Variants in CNTN5 observed in about 807,000 individuals in gnomAD.
CNTN5 encodes the protein contactin-5.
Under a neutral mutation model 129.1 loss-of-function variants are expected in CNTN5, and 77 were observed. The observed-to-expected ratio is 0.60, with a 90% CI of 0.50 to 0.72. CNTN5 has a LOEUF of 0.72. CNTN5 is among the 30% of genes least tolerant of loss of function. CNTN5 has a pLI of 0.00. For missense variants in CNTN5, 1,478 were observed against 1,328.8 expected (o/e 1.11, Z -1.75); for synonymous variants, 509 against 465.6 (o/e 1.09, Z -1.20).
chr11:99,765,942 A>G (rs1050503727), intron 3 of CNTN5, among the ~76,000 whole-genome samples: 1 of 152,030 alleles, frequency 6.6e-6, no homozygotes, highest in East Asian at 1.9e-4. Context: ...AAGCACATTT[A>G]TATCTGTCAA....
chr11:100,354,441 C>T (rs1406684457), intron 24 of CNTN5, among the ~76,000 whole-genome samples: 2 of 151,660 alleles, frequency 1.3e-5, no homozygotes, highest in African/African-American at 2.4e-5. Context: ...AAAAGATCCT[C>T]TCCTGGGTAT....
intron 2 of CNTN5, among the ~76,000 whole-genome samples, chr11:99,533,808 C>T (rs1947802189): frequency 6.6e-6 from 1 of 152,182 alleles, no homozygotes; most frequent in Admixed American, 6.5e-5. Context: ...GGAATATTAG[C>T]TTTTAGCGAA....
At position 99,819,588 on chromosome 11, in the gene CNTN5, T is replaced by C. The variant is rs757664109; in HGVS notation, c.100T>C (p.Leu34=). 6.2e-7 allele frequency: 1 copy of C among 1,612,872 alleles called. No individual in the cohort carries two copies. Among genetic ancestry groups the C allele is most frequent in the Non-Finnish European group, 8.5e-7 (1 of 1,179,792 alleles). ...TGGTCTCTCCACTTCATATGCTGCTTTGTTAAGAATTAAGAAGAGTTCATC... is the reference window on the plus strand; with the variant it reads ...TGGTCTCTCCACTTCATATGCTGCTCTGTTAAGAATTAAGAAGAGTTCATC... ...LPGLSTSYAA[L]LRIKKSSSSS... The change falls in exon 4 of 25, where the codon TTG becomes CTG. Residue 34 remains leucine (L), a synonymous_variant. Transcript: ENST00000524871.
In CNTN5 at chr11:99,769,866, A is replaced by G. The variant is rs1944885645; in HGVS notation, c.56-49678A>G. On this transcript the variant is annotated intron_variant, in intron 3 of 24. Coordinates refer to ENST00000524871, the MANE Select transcript of CNTN5 (RefSeq NM_014361.4). ...AAGATTGTTGACTGTAATCAGCTCA[A>G]GTCTAATATGGTATAGACAAACAGC... Among the ~76,000 whole-genome samples, 5 of 152,128 alleles carry G rather than the reference A, an allele frequency of 3.3e-5. 1 individual carries two copies. In the South Asian group the frequency reaches 1.0e-3, roughly 32 times the overall value.
At chr11:99,083,101 G>C (rs960794625) in intron 1 of CNTN5, among the ~76,000 whole-genome samples, 1 of 151,946 alleles carries the variant, frequency 6.6e-6, no homozygotes, top group African/African-American at 2.4e-5. Flanking sequence ...AAGGGTTGTT[G>C]TTCATCAATT....
In CNTN5 at chr11:99,598,329, CCTCTCTCTCTCTCTCTCTCT is replaced by C. The variant is rs1163753320; in HGVS notation, c.55+42086_55+42105del. On this transcript the variant is annotated intron_variant, in intron 3 of 24. Transcript: ENST00000524871. ...CTTTTCTTTTCTTTTCTTTTCTGTC[CCTCTCTCTCTCTCTCTCTCT>C]CTCTCTCTCTCTCTCTCTCTCTCTC... Among the ~76,000 whole-genome samples, 34 of 12,610 alleles carry C rather than the reference CCTCTCTCTCTCTCTCTCTCT, an allele frequency of 2.7e-3. 2 individuals carry two copies. The highest frequency in any genetic ancestry group is 0.013 in the East Asian group (5 of 384). 8.3% of individuals were successfully genotyped at this position (12,610 alleles called of 152,430 possible).
intron 2 of CNTN5, among the ~76,000 whole-genome samples, chr11:99,411,127 TA>T (rs1348560188): frequency 2.0e-5 from 3 of 152,246 alleles, no homozygotes; most frequent in African/African-American, 7.2e-5. Flanking sequence ...GTAACATGTT[TA>T]TTTTCACATA....
chr11:100,018,686 T>G (rs1239081472), intron 9 of CNTN5, among the ~76,000 whole-genome samples: 1 of 151,934 alleles, frequency 6.6e-6, no homozygotes, highest in Non-Finnish European at 1.5e-5. Context: ...AGATAAATAC[T>G]TATGAGTGGA....
At chr11:99,902,117 G>A (rs924251845) in intron 6 of CNTN5, among the ~76,000 whole-genome samples, 2 of 152,052 alleles carry the variant, frequency 1.3e-5, no homozygotes, top group African/African-American at 2.4e-5. Context: ...ACATGAACTG[G>A]CAATACGGAA....
intron 3 of CNTN5, among the ~76,000 whole-genome samples, chr11:99,698,089 A>AT (rs150457192): frequency 6.0e-5 from 9 of 149,400 alleles, no homozygotes; most frequent in South Asian, 2.1e-4. Context: ...CTGAAATAAG[A>AT]TTTTTTTTTA....
At chr11:99,138,263 A>C (rs1859334034) in intron 1 of CNTN5, among the ~76,000 whole-genome samples, 1 of 152,164 alleles carries the variant, frequency 6.6e-6, no homozygotes, top group Admixed American at 6.5e-5. Flanking sequence ...TAACAGCTTT[A>C]GATTTTTTTC....
chr11:99,694,558 T>C (rs183247729), intron 3 of CNTN5, among the ~76,000 whole-genome samples: 1 of 152,208 alleles, frequency 6.6e-6, no homozygotes, highest in East Asian at 1.9e-4. Context: ...CTGGGACACA[T>C]GTGCAGAATA....
At chr11:100,008,032 T>G (rs1940301045) in intron 9 of CNTN5, among the ~76,000 whole-genome samples, 1 of 151,876 alleles carries the variant, frequency 6.6e-6, no homozygotes, top group Non-Finnish European at 1.5e-5. Context: ...GATGAGGGAG[T>G]GGCCAGTTGA....
chr11:99,401,189 C>T (rs1452658276), intron 2 of CNTN5, among the ~76,000 whole-genome samples: 1 of 152,046 alleles, frequency 6.6e-6, no homozygotes, highest in Non-Finnish European at 1.5e-5. Flanking sequence ...CTAATGTTTT[C>T]TTGTAGTAGT....
intron 3 of CNTN5, among the ~76,000 whole-genome samples, chr11:99,579,969 G>C (rs1241132647): frequency 6.6e-6 from 1 of 150,954 alleles, no homozygotes; most frequent in East Asian, 2.0e-4. Flanking sequence ...CTGTGGGTTT[G>C]TCATAGATAG....
intron 1 of CNTN5, among the ~76,000 whole-genome samples, chr11:99,045,145 G>T (rs1021165841): frequency 2.6e-5 from 4 of 152,170 alleles, no homozygotes; most frequent in Admixed American, 2.6e-4. Flanking sequence ...TGTAGGGTGT[G>T]AACAAGTTAG....
chr11:99,477,798 G>A (rs1273233106), intron 2 of CNTN5, among the ~76,000 whole-genome samples: 6 of 149,434 alleles, frequency 4.0e-5, no homozygotes, highest in African/African-American at 1.5e-4. Context: ...AAAAAAAAAA[G>A]GTAATTATTT....
At chr11:99,484,510 C>G (rs1253354506) in intron 2 of CNTN5, among the ~76,000 whole-genome samples, 2 of 152,150 alleles carry the variant, frequency 1.3e-5, no homozygotes, top group African/African-American at 4.8e-5. Context: ...ACCATTTGAT[C>G]TAGCAATGCC....
At chr11:99,063,175 T>C (rs572957743) in intron 1 of CNTN5, among the ~76,000 whole-genome samples, 1 of 152,210 alleles carries the variant, frequency 6.6e-6, no homozygotes, top group South Asian at 2.1e-4. Context: ...ACTGAAAATT[T>C]ATCACAGCCA....
Sources: gnomAD v4.1 joint callset for allele counts (sites outside exome capture counted in the v4.1 genomes callset) on GRCh38, gnomAD v4.1.1 for gene constraint, MANE v1.5 for transcripts, NCBI Gene and HGNC (gene_info 2026-07-23, HGNC 2026-07-21) for gene names.